Variants in PPP3CC observed in about 807,000 individuals in gnomAD.
The protein encoded by PPP3CC is serine/threonine-protein phosphatase 2B catalytic subunit gamma isoform.
A neutral mutation model predicts 60.3 loss-of-function variants in PPP3CC; 35 were observed. The observed-to-expected ratio is 0.58, with a 90% confidence interval of 0.44 to 0.77. The LOEUF is 0.77. PPP3CC is among the 30% of genes least tolerant of loss of function. The probability of loss-of-function intolerance (pLI) is 0.00; values close to 1 mark genes in which losing one functional copy is unlikely to be tolerated. For synonymous variants in PPP3CC, 206 were observed against 224.3 expected (o/e 0.92, Z 0.73); for missense variants, 570 against 628.9 (o/e 0.91, Z 1.00).
At chr8:22,536,910 G>A (rs1206188946) in intron 12 of PPP3CC, among the ~76,000 whole-genome samples, 1 of 152,134 alleles carries the variant, frequency 6.6e-6, no homozygotes, top group East Asian at 1.9e-4. Context: ...ATGAAACATA[G>A]TGGAGTAAAA....
intron 9 of PPP3CC, among the ~76,000 whole-genome samples, 182 bp downstream of exon 9, chr8:22,527,699 G>A (rs894549580): frequency 1.3e-5 from 2 of 150,640 alleles, no homozygotes; most frequent in African/African-American, 4.9e-5. Flanking sequence ...GCAGTGGCAC[G>A]ATCTCAGCTA....
Position 22,475,134 on chromosome 8 carries a change from T to A in PPP3CC, c.230T>A (p.Val77Glu). The change falls in exon 2 of 14, where the codon GTA becomes GAA. Residue 77 changes from valine to glutamate, a missense_variant. Transcript: ENST00000240139. ...AGGCAAGAGAAGACTATGATAGAAG[T>A]AGATGCTCCAATCACAGGTATAAAA... is the stretch of plus-strand genomic sequence containing the variant. ...ILRQEKTMIE[V>E]DAPITVCGDI... 6.2e-7 allele frequency: 1 copy of A among 1,611,414 alleles called. No homozygotes were observed. The highest frequency in any genetic ancestry group is 8.5e-7 in the Non-Finnish European group (1 of 1,178,262).
chr8:22,457,245 G>T (rs1837230841), intron 1 of PPP3CC, among the ~76,000 whole-genome samples: 1 of 151,262 alleles, frequency 6.6e-6, no homozygotes, highest in Non-Finnish European at 1.5e-5. Flanking sequence ...CAAGAATAGA[G>T]TGCTGCTGTA....
chr8:22,446,424 A>G (rs1446113709), intron 1 of PPP3CC, among the ~76,000 whole-genome samples: 2 of 152,232 alleles, frequency 1.3e-5, no homozygotes, highest in Non-Finnish European at 2.9e-5. Flanking sequence ...GAAAAATGCT[A>G]AGGACTCATT....
intron 5 of PPP3CC, among the ~76,000 whole-genome samples, chr8:22,513,014 T>G (rs1839134770): frequency 6.6e-6 from 1 of 151,432 alleles, no homozygotes. Context: ...AGGCGGAGTT[T>G]GCGGTGAGCC....
chr8:22,527,569 C>A lies in PPP3CC; in HGVS notation c.1069+52C>A, dbSNP rs531108000. The A allele has an allele frequency of 1.2e-5, 19 of 1,574,260 alleles. No homozygotes were observed. The African/African-American group carries it at 2.0e-4, about 17-fold the overall frequency. ...TCAGTTGTTTGGTGACTGAGCATAC[C>A]TTATATTTGCATGAGCCCCTCCATG... On this transcript the variant is annotated intron_variant, in intron 9 of 13. Coordinates refer to ENST00000240139, the MANE Select transcript of PPP3CC (RefSeq NM_005605.5).
chr8:22,454,986 G>T (rs1174825963), intron 1 of PPP3CC, among the ~76,000 whole-genome samples: 1 of 150,348 alleles, frequency 6.7e-6, no homozygotes. Flanking sequence ...AACCCGGGAG[G>T]CAGAGCTTGC....
At chr8:22,494,082 C>T (rs1482014186) in intron 3 of PPP3CC, among the ~76,000 whole-genome samples, 1 of 152,122 alleles carries the variant, frequency 6.6e-6, no homozygotes, top group African/African-American at 2.4e-5. Context: ...TTGACTATAG[C>T]AGCATTATGT....
At chr8:22,454,097 A>C (rs1286879753) in intron 1 of PPP3CC, among the ~76,000 whole-genome samples, 2 of 152,332 alleles carry the variant, frequency 1.3e-5, no homozygotes, top group East Asian at 3.9e-4. Context: ...TAAACTTAAA[A>C]ATTTTTAAAC....
chr8:22,490,932 A>T (rs1418047260), intron 3 of PPP3CC, among the ~76,000 whole-genome samples: 2 of 152,156 alleles, frequency 1.3e-5, no homozygotes, highest in Non-Finnish European at 1.5e-5. Flanking sequence ...ATGTGTCTTT[A>T]TAGCAGCATG....
intron 3 of PPP3CC, 93 bp downstream of exon 3, chr8:22,475,717 C>T: frequency 8.2e-7 from 1 of 1,220,614 alleles, no homozygotes; most frequent in Non-Finnish European, 1.1e-6. Context: ...AATGAGAACT[C>T]TGGCAGAATT....
intron 4 of PPP3CC, among the ~76,000 whole-genome samples, chr8:22,510,318 A>G (rs1354184696): frequency 6.6e-6 from 1 of 152,224 alleles, no homozygotes; most frequent in African/African-American, 2.4e-5. Context: ...AGTTTAAGCC[A>G]AATGTTTTTA....
At chr8:22,479,792 TAC>T (rs1838006385) in intron 3 of PPP3CC, among the ~76,000 whole-genome samples, 2 of 150,876 alleles carry the variant, frequency 1.3e-5, no homozygotes, top group Non-Finnish European at 3.0e-5. Context: ...ATTTGGGGCA[TAC>T]ACACAGACTG....
rs1052687707 is a variant in PPP3CC at position 22,531,475 on chromosome 8, C to G, written c.1142-750C>G. 50 of 805,082 alleles carry G rather than the reference C, an allele frequency of 6.2e-5. No individual in the cohort carries two copies. In the Admixed American group the frequency reaches 1.2e-3, roughly 20 times the overall value. 49.9% of individuals were successfully genotyped at this position (805,082 alleles called of 1,614,324 possible). On this transcript the variant is annotated intron_variant, in intron 10 of 13. Transcript: ENST00000240139. The stretch of plus-strand genomic sequence containing the variant: ...TTTAATGTATATGTTTTCTCTGGAC[C>G]TGTTGCGTGATCTGGCAGGGTGCTG...
intron 3 of PPP3CC, among the ~76,000 whole-genome samples, chr8:22,494,169 A>G (rs377187490): frequency 1.3e-5 from 2 of 152,218 alleles, no homozygotes; most frequent in African/African-American, 4.8e-5. Flanking sequence ...GCTGATAAAG[A>G]CATACCCAAA....
At chr8:22,506,889 C>T (rs949160045) in intron 4 of PPP3CC, among the ~76,000 whole-genome samples, 6 of 151,676 alleles carry the variant, frequency 4.0e-5, no homozygotes, top group Non-Finnish European at 7.4e-5. Context: ...TTGCAGTGAG[C>T]CGAGATTGCG....
chr8:22,441,978 G>A (rs1384179033), intron 1 of PPP3CC, among the ~76,000 whole-genome samples: 1 of 152,168 alleles, frequency 6.6e-6, no homozygotes, highest in East Asian at 1.9e-4. Context: ...ATTATATGAT[G>A]TTTAAAATAA....
chr8:22,511,104 A>C lies in PPP3CC; in HGVS notation c.503A>C (p.Glu168Ala). ...FKQECRIKYS[E>A]QVYDACMETF... ...TTGTTAGGTCGAATCAAATATTCGG[A>C]ACAGGTGTATGATGCCTGTATGGAG... The change falls in exon 5 of 14, where the codon GAA (glutamate) becomes GCA (alanine). Residue 168 changes from glutamate to alanine, a missense_variant. Physicochemically the swap from Glu to Ala is moderately radical, Grantham distance 107. Coordinates refer to ENST00000240139, the MANE Select transcript of PPP3CC (RefSeq NM_005605.5). 6.2e-7 allele frequency: 1 copy of C among 1,613,888 alleles called. No individual in the cohort carries two copies. Among genetic ancestry groups the C allele is most frequent in the Non-Finnish European group, 8.5e-7 (1 of 1,179,962 alleles).
chr8:22,527,305 G>T, intron 8 of PPP3CC, 87 bp from the exon 9 acceptor site: 2 of 1,422,394 alleles, frequency 1.4e-6, no homozygotes, highest in Middle Eastern at 1.8e-4. Context: ...CTCGAATTCT[G>T]TGTAGCAGGT....
Sources: gnomAD v4.1 joint callset for allele counts (sites outside exome capture counted in the v4.1 genomes callset) on GRCh38, gnomAD v4.1.1 for gene constraint, MANE v1.5 for transcripts, NCBI Gene and HGNC (gene_info 2026-07-23, HGNC 2026-07-21) for gene names.